The following FSTL4 variants were observed in gnomAD, a reference collection of about 807,000 sequenced individuals.
The protein encoded by FSTL4 is follistatin like 4, also known as follistatin-related protein 4.
A neutral mutation model predicts 78.2 loss-of-function variants in FSTL4; 28 were observed. The observed-to-expected ratio is 0.36, with a 90% CI of 0.27 to 0.49. The LOEUF is 0.49. Among genes scored for constraint, FSTL4 ranks in the 20% least tolerant of loss-of-function variants. FSTL4 has a pLI of 0.98. For synonymous variants in FSTL4, 422 were observed against 440.5 expected, an observed-to-expected ratio of 0.96 and a Z score of 0.53; for missense variants, 922 against 1,084.9, an observed-to-expected ratio of 0.85 and a Z score of 2.11.
intron 3 of FSTL4, among the ~76,000 whole-genome samples, chr5:133,514,424 G>A (rs961291092): frequency 1.3e-5 from 2 of 152,150 alleles, no homozygotes; most frequent in Admixed American, 6.5e-5. Flanking sequence ...CCAGTAAAGA[G>A]CAGAACTGAA....
intron 3 of FSTL4, among the ~76,000 whole-genome samples, chr5:133,405,577 C>T (rs985520213): frequency 1.3e-5 from 2 of 152,218 alleles, no homozygotes; most frequent in African/African-American, 4.8e-5. Flanking sequence ...GCTTTGCCTG[C>T]GGAAGAGCCA....
chr5:133,686,220 G>C, the FSTL4 span, among the ~76,000 whole-genome samples: 1 of 152,226 alleles, frequency 6.6e-6, no homozygotes, highest in Admixed American at 6.5e-5. Flanking sequence ...CCCAGAGTCA[G>C]ACTGCCTGCT....
chr5:133,495,360 C>T (rs546996911), intron 3 of FSTL4, among the ~76,000 whole-genome samples: 6 of 152,228 alleles, frequency 3.9e-5, no homozygotes, highest in Non-Finnish European at 8.8e-5. Context: ...GTGGCAGGCA[C>T]ACCCAGGAGG....
chr5:133,304,859 C>A (rs550553287), intron 6 of FSTL4, among the ~76,000 whole-genome samples: 2 of 152,314 alleles, frequency 1.3e-5, no homozygotes, highest in South Asian at 2.1e-4. Flanking sequence ...CACCCAGAAC[C>A]CCAGTGCACA....
At chr5:133,398,680 C>T (rs1013778195) in intron 4 of FSTL4, among the ~76,000 whole-genome samples, 1 of 152,204 alleles carries the variant, frequency 6.6e-6, no homozygotes, top group African/African-American at 2.4e-5. Context: ...CACTTCTCTC[C>T]ATGGCTGCAG....
the FSTL4 span, among the ~76,000 whole-genome samples, chr5:133,775,381 C>G: frequency 6.6e-6 from 1 of 152,202 alleles, no homozygotes; most frequent in Non-Finnish European, 1.5e-5. Context: ...AACACCAGAT[C>G]ATGGGACACC....
chr5:133,424,248 G>A (rs1185463608), intron 3 of FSTL4, among the ~76,000 whole-genome samples: 2 of 152,170 alleles, frequency 1.3e-5, no homozygotes, highest in African/African-American at 2.4e-5. Flanking sequence ...ATTCTGCTGC[G>A]CGGGTAACCA....
At chr5:133,413,818 T>C (rs1756526012) in intron 3 of FSTL4, among the ~76,000 whole-genome samples, 1 of 152,194 alleles carries the variant, frequency 6.6e-6, no homozygotes, top group Admixed American at 6.5e-5. Context: ...AACCTACTGT[T>C]ACACTCTTCC....
At chr5:133,378,160 A>C (rs1374665856) in intron 4 of FSTL4, among the ~76,000 whole-genome samples, 1 of 152,152 alleles carries the variant, frequency 6.6e-6, no homozygotes, top group East Asian at 1.9e-4. Context: ...GGCTGAAAGC[A>C]AGTGACCCCA....
chr5:133,388,845 AT>A (rs148252036), intron 4 of FSTL4, among the ~76,000 whole-genome samples: 1 of 150,366 alleles, frequency 6.7e-6, no homozygotes, highest in Non-Finnish European at 1.5e-5. Context: ...CTCCCACAGT[AT>A]TTTTTAAATC....
At chr5:133,704,583 C>A in the FSTL4 span, among the ~76,000 whole-genome samples, 3 of 152,204 alleles carry the variant, frequency 2.0e-5, no homozygotes, top group South Asian at 2.1e-4. Flanking sequence ...GTAAGAAGCA[C>A]CCAGGTAACA....
intron 4 of FSTL4, among the ~76,000 whole-genome samples, chr5:133,376,161 G>A (rs2126948418): frequency 6.6e-6 from 1 of 152,336 alleles, no homozygotes. Flanking sequence ...TGTCCTATGA[G>A]ATATCAGAAC....
At chr5:133,735,228 G>A in the FSTL4 span, among the ~76,000 whole-genome samples, 2 of 152,232 alleles carry the variant, frequency 1.3e-5, no homozygotes, top group African/African-American at 4.8e-5. Context: ...ACTTTGGGAG[G>A]CTGAGGGAGG....
chr5:133,341,670 G>A (rs552058693), intron 4 of FSTL4, among the ~76,000 whole-genome samples: 2 of 152,024 alleles, frequency 1.3e-5, no homozygotes, highest in African/African-American at 4.8e-5. Flanking sequence ...TCCAGCCCCC[G>A]CTCTCTGCTT....
At position 133,262,599 on chromosome 5, in the gene FSTL4, C is replaced by A. The variant is rs369590011; in HGVS notation, c.728-13023G>T. Among the ~76,000 whole-genome samples, 12 of 152,320 alleles carry A rather than the reference C, an allele frequency of 7.9e-5. No individual in the cohort carries two copies. In the East Asian group the frequency reaches 1.9e-3, roughly 25 times the overall value. ...GACCACAATCCCTTCTCCTTCCAAG[C>A]GCCTGTCTCTGGTCTTTGCTGCAGG... On this transcript the variant is annotated intron_variant, in intron 6 of 15. Transcript: ENST00000265342.
At chr5:133,707,696 G>T in the FSTL4 span, among the ~76,000 whole-genome samples, 1 of 152,152 alleles carries the variant, frequency 6.6e-6, no homozygotes, top group South Asian at 2.1e-4. Context: ...TTCTTCAGAG[G>T]AGGAAGTATA....
intron 4 of FSTL4, among the ~76,000 whole-genome samples, chr5:133,320,125 G>A (rs1389991379): frequency 6.6e-6 from 1 of 152,172 alleles, no homozygotes; most frequent in Non-Finnish European, 1.5e-5. Context: ...TTGAGGTGGA[G>A]TGGGGGAGGG....
intron 6 of FSTL4, among the ~76,000 whole-genome samples, chr5:133,278,926 G>A (rs1249009673): frequency 1.3e-5 from 2 of 152,244 alleles, no homozygotes; most frequent in East Asian, 3.8e-4. Flanking sequence ...GGTAGTAACA[G>A]CCTTCCTGGG....
chr5:133,486,141 C>T (rs917925193), intron 3 of FSTL4, among the ~76,000 whole-genome samples: 2 of 151,856 alleles, frequency 1.3e-5, no homozygotes, highest in African/African-American at 4.8e-5. Context: ...GGCAGAGGCG[C>T]CTGAGAGACA....
Sources: gnomAD v4.1 joint callset for allele counts (sites outside exome capture counted in the v4.1 genomes callset) on GRCh38, gnomAD v4.1.1 for gene constraint, MANE v1.5 for transcripts, NCBI Gene and HGNC (gene_info 2026-07-23, HGNC 2026-07-21) for gene names.